The following CORO1C variants were observed in gnomAD, a reference collection of about 807,000 sequenced individuals.
The protein encoded by CORO1C is coronin-1C.
In CORO1C, 14 loss-of-function variants were observed where a neutral mutation model predicts 51.2. That is an observed-to-expected ratio of 0.27 (90% CI 0.18 to 0.43). The LOEUF is 0.43. CORO1C is among the 20% of genes least tolerant of loss of function. The pLI is 1.00. For synonymous variants in CORO1C, 181 were observed against 210.5 expected, an observed-to-expected ratio of 0.86 and a Z score of 1.21; for missense variants, 417 against 607.8, an observed-to-expected ratio of 0.69 and a Z score of 3.30.
intron 1 of CORO1C, among the ~76,000 whole-genome samples, chr12:108,706,993 G>A (rs2035049145): frequency 1.3e-5 from 2 of 152,158 alleles, no homozygotes; most frequent in African/African-American, 4.8e-5. Flanking sequence ...TCAAGGAGAT[G>A]AAAGACTCAT....
intron 3 of CORO1C, among the ~76,000 whole-genome samples, chr12:108,673,917 T>C (rs1345967687): frequency 6.6e-6 from 1 of 152,010 alleles, no homozygotes. Context: ...ATAATTATGC[T>C]AAATCTACTC....
chr12:108,703,426 A>G (rs534810330), intron 1 of CORO1C, among the ~76,000 whole-genome samples: 1 of 152,336 alleles, frequency 6.6e-6, no homozygotes, highest in South Asian at 2.1e-4. Context: ...AGGTAAAAAC[A>G]TGAAAGGACA....
intron 1 of CORO1C, among the ~76,000 whole-genome samples, chr12:108,707,232 G>A (rs901358962): frequency 6.6e-6 from 1 of 152,112 alleles, no homozygotes; most frequent in African/African-American, 2.4e-5. Context: ...TGACCCTGGG[G>A]AGAAAAAAGA....
intron 1 of CORO1C, among the ~76,000 whole-genome samples, chr12:108,711,218 A>G (rs1266387942): frequency 1.3e-5 from 2 of 151,816 alleles, no homozygotes; most frequent in Non-Finnish European, 2.9e-5. Flanking sequence ...AAAAAAAATT[A>G]GCTGGGTGTG....
intron 2 of CORO1C, among the ~76,000 whole-genome samples, chr12:108,687,641 T>C (rs1401683381): frequency 6.6e-6 from 1 of 151,534 alleles, no homozygotes; most frequent in Non-Finnish European, 1.5e-5. Context: ...AAAAATTAGC[T>C]GCGCTTGATG....
chr12:108,667,927 C>A (rs540240140), intron 3 of CORO1C, among the ~76,000 whole-genome samples: 1 of 152,302 alleles, frequency 6.6e-6, no homozygotes, highest in African/African-American at 2.4e-5. Flanking sequence ...GTTTCTCTCA[C>A]GTGCTAATTT....
At chr12:108,650,827 T>C (rs568230116) in intron 8 of CORO1C, among the ~76,000 whole-genome samples, 46 of 152,376 alleles carry the variant, frequency 3.0e-4, no homozygotes, top group African/African-American at 8.7e-4. Context: ...GATGTAATCA[T>C]AAATTTGAAT....
chr12:108,711,701 T>C (rs1157758052), intron 1 of CORO1C, among the ~76,000 whole-genome samples: 2 of 150,144 alleles, frequency 1.3e-5, no homozygotes, highest in Non-Finnish European at 3.0e-5. Flanking sequence ...AAAAAACTTA[T>C]CTTATAAGCT....
intron 4 of CORO1C, 103 bp from the exon 5 acceptor site, chr12:108,659,022 G>GAGAGAGAGAGAGAA: frequency 9.6e-7 from 1 of 1,036,638 alleles, no homozygotes; most frequent in South Asian, 2.7e-5. Context: ...TATATGCAGA[G>GAGAGAGAGAGAGAA]AGAGAGAGAG....
At chr12:108,712,868 T>C (rs1248979556) in intron 1 of CORO1C, among the ~76,000 whole-genome samples, 2 of 146,084 alleles carry the variant, frequency 1.4e-5, no homozygotes, top group East Asian at 2.0e-4. Context: ...GAGGCTGCAG[T>C]ATGCTATGAT....
intron 2 of CORO1C, among the ~76,000 whole-genome samples, chr12:108,688,699 G>A (rs2034388591): frequency 6.6e-6 from 1 of 151,890 alleles, no homozygotes; most frequent in Non-Finnish European, 1.5e-5. Flanking sequence ...CTGAGGTCAG[G>A]AGTTCAAGAC....
Position 108,646,181 on chromosome 12 carries a change from G to T in CORO1C, c.*1222C>A, listed in dbSNP as rs906555376. The T allele has an allele frequency of 6.6e-6, 1 of 152,308 alleles. No individual in the cohort carries two copies. The highest frequency in any genetic ancestry group is 6.5e-5 in the Admixed American group (1 of 15,278). The allele number at this position is 152,308 out of a possible 1,614,324, so 9.4% of individuals were successfully genotyped here. A position where few individuals can be genotyped will look rare whatever the true frequency, so the allele number is the denominator to read the frequency against. On this transcript the variant is annotated 3_prime_UTR_variant, in exon 11 of 11. Coordinates refer to ENST00000261401, the MANE Select transcript of CORO1C (RefSeq NM_014325.4). Reference sequence around the variant, plus strand: ...CTCTGGCCTTGTCTTAGCTTAATGTGGTTAGAGCTAAAAGGCAGGAAGGAA... The same window carrying T: ...CTCTGGCCTTGTCTTAGCTTAATGTTGTTAGAGCTAAAAGGCAGGAAGGAA...
At position 108,665,428 on chromosome 12, in the gene CORO1C, T is replaced by G. The variant is rs568531211; in HGVS notation, c.319-3270A>C. ...AACACATTTATTGAGTTACAATAAATTGTATTGTAACCCATCTAGTACTGG... is the reference window on the plus strand; with the variant it reads ...AACACATTTATTGAGTTACAATAAAGTGTATTGTAACCCATCTAGTACTGG... On this transcript the variant is annotated intron_variant, in intron 3 of 10. Transcript: ENST00000261401. Among the ~76,000 whole-genome samples the G allele has an allele frequency of 1.6e-4, 25 of 152,286 alleles. No homozygotes were observed. In the South Asian group the frequency reaches 1.9e-3, roughly 11 times the overall value.
intron 1 of CORO1C, among the ~76,000 whole-genome samples, chr12:108,709,246 T>C (rs903846481): frequency 1.3e-5 from 2 of 152,184 alleles, no homozygotes; most frequent in African/African-American, 4.8e-5. Context: ...ATCTGAAGCA[T>C]AGTACATACT....
At chr12:108,721,612 T>C (rs187583054) in intron 1 of CORO1C, among the ~76,000 whole-genome samples, 94 of 152,362 alleles carry the variant, frequency 6.2e-4, no homozygotes, top group South Asian at 1.7e-3. Context: ...GTCCCTAATA[T>C]ATTTTGCATC....
At chr12:108,695,784 AT>A (rs1194457814) in intron 2 of CORO1C, among the ~76,000 whole-genome samples, 1 of 146,976 alleles carries the variant, frequency 6.8e-6, no homozygotes, top group African/African-American at 2.5e-5. Flanking sequence ...AATATATGCT[AT>A]TATAGGCAAT....
In CORO1C at chr12:108,648,755, T is replaced by G. The variant is rs746453716; in HGVS notation, c.1155A>C (p.Pro385=). The part of the protein sequence containing the change: ...EEWFEGKNAD[P]ILISLKHGYI... ...ACCCGTGCTTCAAGGAGATGAGGAT[T>G]GGGTCTGCATTCTTGCCTTCGAACC... Residue 385 remains proline (P), a synonymous_variant, in exon 10 of 11, where the codon CCA becomes CCC. Transcript: ENST00000261401. The G allele has an allele frequency of 5.0e-6, 8 of 1,614,198 alleles. No homozygotes were observed. Among genetic ancestry groups the G allele is most frequent in the Non-Finnish European group, 6.8e-6 (8 of 1,180,036 alleles).
At chr12:108,654,554 C>T in intron 6 of CORO1C, 144 bp from the exon 7 acceptor site, 3 of 510,418 alleles carry the variant, frequency 5.9e-6, no homozygotes, top group Admixed American at 6.7e-5. Context: ...TATGCACATA[C>T]AATACTCATA....
intron 2 of CORO1C, among the ~76,000 whole-genome samples, chr12:108,690,422 T>C (rs1022072141): frequency 6.6e-6 from 1 of 152,232 alleles, no homozygotes; most frequent in Non-Finnish European, 1.5e-5. Context: ...AACAGCAGTC[T>C]TTTTGGACAG....
Sources: allele counts gnomAD v4.1 joint callset (sites outside exome capture counted in the v4.1 genomes callset), GRCh38; gene constraint gnomAD v4.1.1; transcripts MANE v1.5; gene names NCBI Gene and HGNC (gene_info 2026-07-23, HGNC 2026-07-21).